TBL1XR1: variants seen among roughly 807,000 people sequenced by gnomAD.
TBL1XR1 encodes the protein F-box-like/WD repeat-containing protein TBL1XR1.
A neutral mutation model predicts 66.9 loss-of-function variants in TBL1XR1; 5 were observed. The ratio of observed to expected loss-of-function variants is 0.07; its 90% CI spans 0.04 to 0.16. TBL1XR1 has a LOEUF of 0.16. Among genes scored for constraint, TBL1XR1 ranks in the 10% least tolerant of loss-of-function variants. The probability of loss-of-function intolerance (pLI) is 1.00; values close to 1 mark genes in which losing one functional copy is unlikely to be tolerated. For synonymous variants in TBL1XR1, 210 were observed against 206.0 expected, an observed-to-expected ratio of 1.02 and a Z score of -0.17; for missense variants, 238 against 623.2, an observed-to-expected ratio of 0.38 and a Z score of 6.58.
chr3:177,112,107 ATTTTTTTTT>A (rs71170852), intron 1 of TBL1XR1, among the ~76,000 whole-genome samples: 2 of 37,666 alleles, frequency 5.3e-5, no homozygotes, highest in African/African-American at 2.6e-4. Flanking sequence ...ATATATATAT[ATTTTTTTTT>A]TTTTTTTTTG....
chr3:177,028,296 T>C (rs546454712), intron 14 of TBL1XR1, among the ~76,000 whole-genome samples: 15 of 152,354 alleles, frequency 9.8e-5, no homozygotes, highest in Admixed American at 3.3e-4. Flanking sequence ...TTTCAAAGTT[T>C]GAAAAAGTAA....
intron 1 of TBL1XR1, among the ~76,000 whole-genome samples, chr3:177,144,259 A>C (rs73171120): frequency 0.44 from 66,623 of 151,870 alleles, 15,479 homozygotes; most frequent in Non-Finnish European, 0.52. Flanking sequence ...AAAAAAACAC[A>C]AAGTGACATA....
chr3:177,127,475 G>T (rs980668486), intron 1 of TBL1XR1, among the ~76,000 whole-genome samples: 7 of 152,152 alleles, frequency 4.6e-5, no homozygotes, highest in African/African-American at 1.7e-4. Flanking sequence ...GGTATAGCAG[G>T]TGCTCAAGAA....
intron 1 of TBL1XR1, among the ~76,000 whole-genome samples, chr3:177,169,195 G>A (rs562098273): frequency 6.6e-6 from 1 of 152,282 alleles, no homozygotes; most frequent in African/African-American, 2.4e-5. Flanking sequence ...TCCAACATTA[G>A]TGAAGACCAA....
chr3:177,193,502 G>A (rs1736432154), intron 1 of TBL1XR1, among the ~76,000 whole-genome samples: 1 of 152,088 alleles, frequency 6.6e-6, no homozygotes, highest in Admixed American at 6.6e-5. Flanking sequence ...GTAGAGACGG[G>A]GATTCACCAT....
intron 1 of TBL1XR1, among the ~76,000 whole-genome samples, chr3:177,153,701 G>A (rs1424486151): frequency 1.3e-5 from 2 of 152,016 alleles, no homozygotes; most frequent in East Asian, 3.9e-4. Context: ...CAGCCTGGCA[G>A]ACATGATGAA....
intron 1 of TBL1XR1, among the ~76,000 whole-genome samples, chr3:177,181,764 A>G (rs929886988): frequency 9.9e-5 from 15 of 152,106 alleles, no homozygotes; most frequent in Admixed American, 9.8e-4. Context: ...ATGAATCAGA[A>G]AAAAAGCCAG....
rs966322444 is a variant in TBL1XR1 at position 177,024,320 on chromosome 3, G to A, written c.*1178C>T. The A allele has an allele frequency of 6.6e-6, 1 of 152,472 alleles. No homozygotes were observed. The highest frequency in any genetic ancestry group is 2.4e-5 in the African/African-American group (1 of 41,422). 9.4% of individuals were successfully genotyped at this position (152,472 alleles called of 1,614,324 possible). On this transcript the variant is annotated 3_prime_UTR_variant, in exon 16 of 16. Transcript: ENST00000457928. ...GTAGCAAACATTTTGCCATGTAATG[G>A]CAGTGTTATATGCCGTTATCTTGCT... is the stretch of plus-strand genomic sequence containing the variant.
chr3:177,035,876 C>A (rs1487760010), intron 12 of TBL1XR1, among the ~76,000 whole-genome samples: 1 of 152,140 alleles, frequency 6.6e-6, no homozygotes, highest in Admixed American at 6.5e-5. Context: ...TGGCCCTATC[C>A]GCTAGTGAGA....
At chr3:177,033,498 C>T (rs2108410103) in intron 13 of TBL1XR1, among the ~76,000 whole-genome samples, 1 of 152,162 alleles carries the variant, frequency 6.6e-6, no homozygotes, top group African/African-American at 2.4e-5. Context: ...AAAGTGACCA[C>T]ATTTTTCCAT....
At chr3:177,028,617 C>T (rs1394835100) in intron 14 of TBL1XR1, among the ~76,000 whole-genome samples, 1 of 152,008 alleles carries the variant, frequency 6.6e-6, no homozygotes, top group Admixed American at 6.5e-5. Flanking sequence ...GAATAAAAGA[C>T]AAATAAATGG....
rs561052597 is a variant in TBL1XR1 at position 177,102,298 on chromosome 3, T to C, written c.-121-3757A>G. Among the ~76,000 whole-genome samples, 26 of 152,324 alleles carry C rather than the reference T, an allele frequency of 1.7e-4. No individual in the cohort carries two copies. In the South Asian group the frequency reaches 5.0e-3, roughly 29 times the overall value. ...GTTAAAAAGTATTTGATTCTAGGAT[T>C]TGAAGGGTGAATAAATATGTGAAAA... On this transcript the variant is annotated intron_variant, in intron 1 of 15. Coordinates refer to ENST00000457928, the MANE Select transcript of TBL1XR1 (RefSeq NM_024665.7).
At chr3:177,146,147 A>T (rs1043916914) in intron 1 of TBL1XR1, among the ~76,000 whole-genome samples, 6 of 152,192 alleles carry the variant, frequency 3.9e-5, no homozygotes, top group Non-Finnish European at 5.9e-5. Context: ...AGTACCTGAT[A>T]TGCAGCTATC....
intron 1 of TBL1XR1, among the ~76,000 whole-genome samples, chr3:177,142,832 C>G (rs1190322510): frequency 1.3e-5 from 2 of 152,058 alleles, no homozygotes; most frequent in African/African-American, 4.8e-5. Context: ...TTAATACTTG[C>G]AGCACTTTTG....
chr3:177,074,016 G>A (rs189072011), intron 2 of TBL1XR1, among the ~76,000 whole-genome samples: 31 of 152,234 alleles, frequency 2.0e-4, no homozygotes, highest in Middle Eastern at 3.4e-3. Flanking sequence ...CACATACACA[G>A]CAACAAAGAA....
chr3:177,055,715 C>A (rs1294236231), intron 3 of TBL1XR1, among the ~76,000 whole-genome samples: 1 of 152,090 alleles, frequency 6.6e-6, no homozygotes, highest in Non-Finnish European at 1.5e-5. Context: ...GCAGTAAAAT[C>A]CTTAAGCAGT....
chr3:177,052,745 G>A (rs1181317206), intron 4 of TBL1XR1, among the ~76,000 whole-genome samples: 2 of 152,104 alleles, frequency 1.3e-5, no homozygotes, highest in Non-Finnish European at 2.9e-5. Flanking sequence ...AAAAATACTC[G>A]CAAAAGGGGA....
At chr3:177,200,383 A>G (rs1448735428), upstream of TBL1XR1, among the ~76,000 whole-genome samples, 1 of 152,160 alleles carries the variant, frequency 6.6e-6, no homozygotes, top group Non-Finnish European at 1.5e-5. Context: ...GATCCCTTTG[A>G]TTTTTATATT....
At chr3:177,029,550 A>T (rs1386433466) in intron 14 of TBL1XR1, among the ~76,000 whole-genome samples, 2 of 152,232 alleles carry the variant, frequency 1.3e-5, no homozygotes, top group South Asian at 4.1e-4. Context: ...AAGCCCAGGA[A>T]GGCCAAGGCT....
Sources: gnomAD v4.1 joint callset for allele counts (sites outside exome capture counted in the v4.1 genomes callset) on GRCh38, gnomAD v4.1.1 for gene constraint, MANE v1.5 for transcripts, NCBI Gene and HGNC (gene_info 2026-07-23, HGNC 2026-07-21) for gene names.